Variants in SLC4A4 observed in about 807,000 individuals in gnomAD.
SLC4A4 encodes the protein solute carrier family 4 member 4.
A neutral mutation model predicts 111.5 loss-of-function variants in SLC4A4; 27 were observed. That is an observed-to-expected ratio of 0.24 (90% CI 0.18 to 0.33). SLC4A4 has a LOEUF of 0.33. SLC4A4 is among the 10% of genes least tolerant of loss of function. The probability of loss-of-function intolerance (pLI) is 1.00; values close to 1 mark genes in which losing one functional copy is unlikely to be tolerated. For missense variants in SLC4A4, 909 were observed against 1,315.5 expected, an observed-to-expected ratio of 0.69 and a Z score of 4.78; for synonymous variants, 443 against 463.4, an observed-to-expected ratio of 0.96 and a Z score of 0.57.
chr4:71,499,977 G>T (rs1730759752), intron 16 of SLC4A4, among the ~76,000 whole-genome samples: 1 of 152,076 alleles, frequency 6.6e-6, no homozygotes, highest in Non-Finnish European at 1.5e-5. Flanking sequence ...AGTAGTTCTG[G>T]TTTTTATTTT....
chr4:71,086,210 G>A (rs1014194600), intron 1 of SLC4A4, among the ~76,000 whole-genome samples: 17 of 151,734 alleles, frequency 1.1e-4, no homozygotes, highest in African/African-American at 4.1e-4. Context: ...CTGTTTGTCT[G>A]TTATTGGTGT....
intron 3 of SLC4A4, among the ~76,000 whole-genome samples, chr4:71,292,581 C>G (rs556230909): frequency 2.6e-5 from 4 of 152,202 alleles, no homozygotes; most frequent in African/African-American, 9.6e-5. Flanking sequence ...TGAAACTGTT[C>G]TTAAACTTGG....
At chr4:71,148,902 T>C (rs759456994) in intron 2 of SLC4A4, among the ~76,000 whole-genome samples, 4 of 152,204 alleles carry the variant, frequency 2.6e-5, no homozygotes, top group Non-Finnish European at 5.9e-5. Flanking sequence ...TCTGCATATA[T>C]ACCTAGTAAG....
rs1047406373 is a variant in SLC4A4, at chr4:71,559,896, T to C, written c.2938-197T>C. On this transcript the variant is annotated intron_variant, in intron 22 of 25. Transcript: ENST00000264485. ...CAAAGTGAGTTTCAACTAAGACTTTTATAAAACAACTTTCCCCATGTAGAA... is the reference window on the plus strand; with the variant it reads ...CAAAGTGAGTTTCAACTAAGACTTTCATAAAACAACTTTCCCCATGTAGAA... 4.6e-5 allele frequency among the ~76,000 whole-genome samples: 7 copies of C among 151,878 alleles called. No homozygotes were observed. The South Asian group carries it at 6.2e-4, about 13-fold the overall frequency.
rs1216977404 is a variant in SLC4A4 at position 71,303,125 on chromosome 4, G to A, written c.254-36245G>A. Among the ~76,000 whole-genome samples, 4 of 152,170 alleles carry A rather than the reference G, an allele frequency of 2.6e-5. No homozygotes were observed. The East Asian group carries it at 7.7e-4, about 29-fold the overall frequency. ...CTCTGCTTTAGTCTCTTCTGCGAAT[G>A]TGGTAGTGATCTTAAGTTATATAGC... On this transcript the variant is annotated intron_variant, in intron 3 of 25. Coordinates refer to ENST00000264485, the MANE Select transcript of SLC4A4 (RefSeq NM_001098484.3).
intron 20 of SLC4A4, among the ~76,000 whole-genome samples, chr4:71,548,476 G>A (rs1213076395): frequency 1.3e-5 from 2 of 151,756 alleles, no homozygotes; most frequent in East Asian, 3.9e-4. Context: ...TCTTCATGAA[G>A]TTTCCAATTT....
intron 4 of SLC4A4, among the ~76,000 whole-genome samples, chr4:71,349,524 AC>A (rs1729623569): frequency 6.6e-6 from 1 of 152,220 alleles, no homozygotes; most frequent in South Asian, 2.1e-4. Context: ...CAGAATCCTC[AC>A]AGTGGTGGCT....
At position 71,387,576 on chromosome 4, in the gene SLC4A4, C is replaced by T. The variant is rs566872972; in HGVS notation, c.731-10001C>T. On this transcript the variant is annotated intron_variant, in intron 6 of 25. Transcript: ENST00000264485. ...ATGGTGTGATCTTGGCTCACCACAA[C>T]GTCTGTCTCCTGGGTTCAAGTGATT... Among the ~76,000 whole-genome samples, 10 of 152,204 alleles carry T rather than the reference C, an allele frequency of 6.6e-5. No homozygotes were observed. In the South Asian group the frequency reaches 1.5e-3, roughly 22 times the overall value.
chr4:71,354,671 C>T (rs759875252), intron 5 of SLC4A4, among the ~76,000 whole-genome samples: 5 of 151,572 alleles, frequency 3.3e-5, no homozygotes, highest in Non-Finnish European at 7.4e-5. Context: ...AAAAGCTCTG[C>T]GTATATCAAT....
chr4:71,457,364 A>G (rs1726373483), intron 12 of SLC4A4, among the ~76,000 whole-genome samples: 1 of 152,266 alleles, frequency 6.6e-6, no homozygotes, highest in Non-Finnish European at 1.5e-5. Context: ...CATTTTGCCC[A>G]TTAGGCTGCT....
intron 2 of SLC4A4, among the ~76,000 whole-genome samples, chr4:71,100,085 C>T (rs913819701): frequency 6.6e-6 from 1 of 152,134 alleles, no homozygotes; most frequent in Non-Finnish European, 1.5e-5. Flanking sequence ...AGGATGGACT[C>T]CTCCCCAACT....
intron 7 of SLC4A4, among the ~76,000 whole-genome samples, chr4:71,407,379 A>G (rs1720959238): frequency 6.6e-6 from 1 of 152,194 alleles, no homozygotes. Context: ...TATAATAAAA[A>G]AGTATAATCT....
chr4:71,391,420 T>C (rs1355052674), intron 6 of SLC4A4, among the ~76,000 whole-genome samples: 1 of 152,132 alleles, frequency 6.6e-6, no homozygotes, highest in Non-Finnish European at 1.5e-5. Flanking sequence ...CTTCTTTCTG[T>C]GCCATAGATT....
At chr4:71,313,907 A>G (rs997560437) in intron 3 of SLC4A4, among the ~76,000 whole-genome samples, 2 of 152,232 alleles carry the variant, frequency 1.3e-5, no homozygotes, top group African/African-American at 2.4e-5. Flanking sequence ...ACAAAAGCCA[A>G]AATTGATAAA....
intron 1 of SLC4A4, among the ~76,000 whole-genome samples, chr4:71,090,484 C>T (rs564191564): frequency 1.8e-4 from 28 of 152,076 alleles, no homozygotes; most frequent in Admixed American, 4.6e-4. Flanking sequence ...TCTTCTGCAT[C>T]GTTCATGCTG....
intron 12 of SLC4A4, among the ~76,000 whole-genome samples, chr4:71,461,389 A>G (rs1726807625): frequency 6.6e-6 from 1 of 152,148 alleles, no homozygotes. Context: ...CTCCCTAAAC[A>G]GGTTTATAAT....
chr4:71,363,515 C>T (rs911757488), intron 6 of SLC4A4, among the ~76,000 whole-genome samples: 4 of 152,178 alleles, frequency 2.6e-5, no homozygotes, highest in African/African-American at 9.7e-5. Flanking sequence ...CCAACTGCCC[C>T]ATACCCTTGA....
intron 13 of SLC4A4, among the ~76,000 whole-genome samples, chr4:71,472,418 G>A (rs1727965983): frequency 6.6e-6 from 1 of 151,576 alleles, no homozygotes; most frequent in African/African-American, 2.4e-5. Flanking sequence ...ATGAAGGTAG[G>A]GACCATATTT....
At chr4:71,304,543 G>A (rs1269164150) in intron 3 of SLC4A4, among the ~76,000 whole-genome samples, 2 of 152,162 alleles carry the variant, frequency 1.3e-5, no homozygotes, top group African/African-American at 4.8e-5. Context: ...TGCTGATCTC[G>A]TTCAGAAGAG....
Sources: allele counts gnomAD v4.1 joint callset (sites outside exome capture counted in the v4.1 genomes callset), GRCh38; gene constraint gnomAD v4.1.1; transcripts MANE v1.5; gene names NCBI Gene and HGNC (gene_info 2026-07-23, HGNC 2026-07-21).